The following LMX1A variants were observed in gnomAD, a reference collection of about 807,000 sequenced individuals.
LMX1A encodes the protein LIM homeobox transcription factor 1-alpha.
In LMX1A, 15 loss-of-function variants were observed where a neutral mutation model predicts 49.1. The ratio of observed to expected loss-of-function variants is 0.31; its 90% CI spans 0.20 to 0.47. The LOEUF (loss-of-function observed/expected upper bound fraction) is 0.47, where lower values mean the gene tolerates loss of function less well. Ranked by LOEUF, LMX1A falls within the 20% of genes least tolerant of loss-of-function variation. The pLI, the probability that LMX1A is intolerant of heterozygous loss-of-function variation, is 1.00. For missense variants in LMX1A, 372 were observed against 475.8 expected (o/e 0.78, Z 2.03); for synonymous variants, 167 against 185.7 (o/e 0.90, Z 0.82).
At chr1:165,239,316 T>C (rs1225621239) in intron 4 of LMX1A, among the ~76,000 whole-genome samples, 1 of 152,210 alleles carries the variant, frequency 6.6e-6, no homozygotes, top group East Asian at 1.9e-4. Context: ...GTATATTGCC[T>C]CTAACTTTTT....
chr1:165,266,369 G>C (rs1653616047), intron 3 of LMX1A, among the ~76,000 whole-genome samples: 1 of 152,140 alleles, frequency 6.6e-6, no homozygotes, highest in Non-Finnish European at 1.5e-5. Flanking sequence ...AGTAGGACCA[G>C]CACTTTGGAC....
At chr1:165,252,216 T>C (rs1159685088) in intron 3 of LMX1A, among the ~76,000 whole-genome samples, 1 of 152,208 alleles carries the variant, frequency 6.6e-6, no homozygotes, top group African/African-American at 2.4e-5. Flanking sequence ...AAAGTTGATA[T>C]TATTTGACTC....
intron 3 of LMX1A, among the ~76,000 whole-genome samples, chr1:165,278,387 T>C (rs954627428): frequency 1.3e-5 from 2 of 152,206 alleles, no homozygotes; most frequent in Admixed American, 1.3e-4. Flanking sequence ...CAGGAAAAAA[T>C]GAAGTTTCCA....
At chr1:165,353,813 C>T in intron 2 of LMX1A, among the ~76,000 whole-genome samples, 1 of 152,160 alleles carries the variant, frequency 6.6e-6, no homozygotes, top group Non-Finnish European at 1.5e-5. Context: ...TAATATTATT[C>T]AAACCGATGA....
intron 3 of LMX1A, among the ~76,000 whole-genome samples, chr1:165,323,813 C>T (rs117812157): frequency 6.6e-6 from 1 of 151,788 alleles, no homozygotes; most frequent in Non-Finnish European, 1.5e-5. Context: ...ACTTTCACAT[C>T]TGTGCTTTTT....
At chr1:165,351,557 A>G (rs1165928713) in intron 3 of LMX1A, among the ~76,000 whole-genome samples, 1 of 152,202 alleles carries the variant, frequency 6.6e-6, no homozygotes, top group Non-Finnish European at 1.5e-5. Context: ...ACTTCTTTAT[A>G]TATTTCTGTA....
At chr1:165,277,815 T>G (rs1207913597) in intron 3 of LMX1A, among the ~76,000 whole-genome samples, 1 of 152,196 alleles carries the variant, frequency 6.6e-6, no homozygotes, top group Non-Finnish European at 1.5e-5. Flanking sequence ...AGAATCAAGC[T>G]TCTTTCATTT....
intron 3 of LMX1A, among the ~76,000 whole-genome samples, chr1:165,317,583 G>C (rs1465941237): frequency 1.3e-5 from 2 of 152,224 alleles, no homozygotes; most frequent in East Asian, 3.8e-4. Flanking sequence ...TGGGACACAG[G>C]TCCAGCCCCC....
intron 3 of LMX1A, among the ~76,000 whole-genome samples, chr1:165,315,798 C>T (rs145210830): frequency 5.9e-5 from 9 of 152,340 alleles, no homozygotes; most frequent in African/African-American, 1.9e-4. Flanking sequence ...CTCTGCCTCT[C>T]TCCTAGAACC....
intron 3 of LMX1A, among the ~76,000 whole-genome samples, chr1:165,297,539 C>T (rs143657463): frequency 3.9e-4 from 59 of 152,312 alleles, no homozygotes; most frequent in African/African-American, 1.3e-3. Flanking sequence ...CACTGAAAAG[C>T]AGGATGGCAA....
At chr1:165,314,758 A>G (rs6691412) in intron 3 of LMX1A, among the ~76,000 whole-genome samples, 33,924 of 152,002 alleles carry the variant, frequency 0.22, 4,240 homozygotes, top group African/African-American at 0.33. Context: ...AAGCAAAACT[A>G]GCAGTTTCTG....
At chr1:165,309,045 G>C (rs577118871) in intron 3 of LMX1A, among the ~76,000 whole-genome samples, 21 of 152,192 alleles carry the variant, frequency 1.4e-4, no homozygotes, top group African/African-American at 4.6e-4. Flanking sequence ...GATGCTTATG[G>C]AAAACCTCCC....
At chr1:165,284,768 G>C (rs883864) in intron 3 of LMX1A, among the ~76,000 whole-genome samples, 6,183 of 152,302 alleles carry the variant, frequency 0.041, 176 homozygotes, top group East Asian at 0.1. Context: ...TGGCCACCCA[G>C]CACCCGCCGT....
chr1:165,286,007 T>C (rs56348584), intron 3 of LMX1A, among the ~76,000 whole-genome samples: 19,077 of 152,122 alleles, frequency 0.13, 1,455 homozygotes, highest in Middle Eastern at 0.19. Flanking sequence ...TAGGCTAAAA[T>C]CCAAGGGGAG....
At chr1:165,210,587 A>C (rs1571147391) in intron 6 of LMX1A, 112 bp downstream of exon 6, 1 of 651,200 alleles carries the variant, frequency 1.5e-6, no homozygotes, top group Non-Finnish European at 2.6e-6. Context: ...CAAGAGAACT[A>C]CTCTATCCAA....
chr1:165,337,761 A>G (rs1655939185), intron 3 of LMX1A, among the ~76,000 whole-genome samples: 1 of 152,168 alleles, frequency 6.6e-6, no homozygotes, highest in Non-Finnish European at 1.5e-5. Context: ...AAAGACACCA[A>G]GAGGAGTTGA....
intron 3 of LMX1A, among the ~76,000 whole-genome samples, chr1:165,313,440 T>A (rs1285473618): frequency 6.6e-6 from 1 of 151,658 alleles, no homozygotes; most frequent in African/African-American, 2.4e-5. Context: ...ATCAACCAAC[T>A]TCTTCATACT....
chr1:165,243,659 T>C (rs1168329386), intron 4 of LMX1A, among the ~76,000 whole-genome samples: 1 of 152,192 alleles, frequency 6.6e-6, no homozygotes, highest in African/African-American at 2.4e-5. Flanking sequence ...GGTTGCCCCA[T>C]GTAGAGGAAA....
intron 3 of LMX1A, among the ~76,000 whole-genome samples, chr1:165,263,803 C>A (rs1306433759): frequency 6.6e-6 from 1 of 152,128 alleles, no homozygotes; most frequent in Non-Finnish European, 1.5e-5. Flanking sequence ...TTTGGGGGTG[C>A]CAGGATTTAA....
Sources: gnomAD v4.1 joint callset for allele counts (sites outside exome capture counted in the v4.1 genomes callset) on GRCh38, gnomAD v4.1.1 for gene constraint, MANE v1.5 for transcripts, NCBI Gene and HGNC (gene_info 2026-07-23, HGNC 2026-07-21) for gene names.